Variants in DOCK1 observed in about 807,000 individuals in gnomAD.
DOCK1 encodes the protein dedicator of cytokinesis protein 1.
A neutral mutation model predicts 262.7 loss-of-function variants in DOCK1; 138 were observed. The observed-to-expected ratio is 0.53, with a 90% CI of 0.46 to 0.61. The LOEUF (loss-of-function observed/expected upper bound fraction) is 0.61. DOCK1 is among the 20% of genes least tolerant of loss of function. DOCK1 has a pLI of 0.00. For missense variants in DOCK1, 1,908 were observed against 2,370.7 expected (o/e 0.80, Z 4.05); for synonymous variants, 866 against 867.4 (o/e 1.00, Z 0.03).
intron 49 of DOCK1, among the ~76,000 whole-genome samples, chr10:127,440,703 C>T (rs953062836): frequency 2.0e-5 from 3 of 152,340 alleles, no homozygotes; most frequent in South Asian, 2.1e-4. Context: ...GGCAAACGCC[C>T]CAGCCATGAC....
At chr10:126,917,986 G>C (rs1328692545) in intron 1 of DOCK1, among the ~76,000 whole-genome samples, 1 of 152,208 alleles carries the variant, frequency 6.6e-6, no homozygotes, top group Non-Finnish European at 1.5e-5. Flanking sequence ...TAGGAGCTTG[G>C]GCCTGCATCT....
chr10:126,945,856 A>G (rs982045018), intron 1 of DOCK1, among the ~76,000 whole-genome samples: 1 of 152,194 alleles, frequency 6.6e-6, no homozygotes, highest in Non-Finnish European at 1.5e-5. Context: ...GGCCAAGAGC[A>G]GGGGGTTTTG....
chr10:127,296,513 C>T (rs2061509647), intron 29 of DOCK1, among the ~76,000 whole-genome samples: 1 of 152,210 alleles, frequency 6.6e-6, no homozygotes, highest in Admixed American at 6.5e-5. Flanking sequence ...AAGAAACCTG[C>T]CGTGTGGAGT....
intron 10 of DOCK1, among the ~76,000 whole-genome samples, chr10:127,005,507 A>G (rs1208031153): frequency 6.6e-6 from 1 of 152,196 alleles, no homozygotes; most frequent in Non-Finnish European, 1.5e-5. Flanking sequence ...CAGTTCCTTA[A>G]AATGAGAAAG....
chr10:126,968,229 C>T (rs995278167), intron 1 of DOCK1, among the ~76,000 whole-genome samples: 1 of 152,116 alleles, frequency 6.6e-6, no homozygotes, highest in Non-Finnish European at 1.5e-5. Flanking sequence ...TCCTTCCGCT[C>T]CTCTCTCCTA....
intron 5 of DOCK1, among the ~76,000 whole-genome samples, 171 bp downstream of exon 5, chr10:126,987,788 CT>C (rs1367681411): frequency 6.6e-6 from 1 of 152,150 alleles, no homozygotes; most frequent in Non-Finnish European, 1.5e-5. Context: ...AGTTTAGCCC[CT>C]GCTGGGGGCT....
chr10:127,349,066 T>G (rs769256549), intron 31 of DOCK1, among the ~76,000 whole-genome samples: 11 of 152,100 alleles, frequency 7.2e-5, no homozygotes, highest in Admixed American at 1.3e-4. Context: ...ACCGGTGGTG[T>G]TGTTTTTGAT....
chr10:127,358,579 G>A (rs1327829487), intron 32 of DOCK1, among the ~76,000 whole-genome samples: 1 of 152,184 alleles, frequency 6.6e-6, no homozygotes, highest in Non-Finnish European at 1.5e-5. Flanking sequence ...CAGCCAGAAC[G>A]AATGTGCTTG....
chr10:127,200,644 T>G (rs548510734), intron 27 of DOCK1, among the ~76,000 whole-genome samples: 29 of 152,290 alleles, frequency 1.9e-4, no homozygotes, highest in African/African-American at 6.3e-4. Flanking sequence ...GCTCAGGCAA[T>G]CCACCCATCT....
At chr10:127,377,888 T>A (rs2065596386) in intron 35 of DOCK1, among the ~76,000 whole-genome samples, 1 of 98,756 alleles carries the variant, frequency 1.0e-5, no homozygotes, top group African/African-American at 4.1e-5. Flanking sequence ...GTAGACTCTG[T>A]CTCAAAAAAA....
intron 19 of DOCK1, among the ~76,000 whole-genome samples, chr10:127,038,801 G>A (rs1325025281): frequency 2.0e-5 from 3 of 152,210 alleles, no homozygotes; most frequent in Non-Finnish European, 4.4e-5. Context: ...TTGTGGTTCT[G>A]ATGTTTTCTG....
chr10:127,045,404 A>G (rs2044282361), intron 21 of DOCK1, among the ~76,000 whole-genome samples: 1 of 152,140 alleles, frequency 6.6e-6, no homozygotes, highest in African/African-American at 2.4e-5. Flanking sequence ...AGCTCTGACC[A>G]CATCATGGAA....
At chr10:127,030,430 G>T (rs1342556471) in intron 16 of DOCK1, among the ~76,000 whole-genome samples, 2 of 152,142 alleles carry the variant, frequency 1.3e-5, no homozygotes, top group Non-Finnish European at 2.9e-5. Flanking sequence ...TGCCACACTG[G>T]TCCTCGTGAG....
In DOCK1 at chr10:127,243,694, G is replaced by A. The variant is rs902202160; in HGVS notation, c.2848-4314G>A. 4.6e-5 allele frequency among the ~76,000 whole-genome samples: 7 copies of A among 152,150 alleles called. No homozygotes were observed. In the East Asian group the frequency reaches 1.2e-3, roughly 25 times the overall value. On this transcript the variant is annotated intron_variant, in intron 27 of 51. Coordinates refer to ENST00000623213, the MANE Select transcript of DOCK1 (RefSeq NM_001290223.2). The stretch of plus-strand genomic sequence containing the variant: ...GGGCTCCCTCCAGGAGCAGTGCCAG[G>A]CAGTAGCCAAGGCCACACCAACAGG...
rs1311844918 is a variant in DOCK1 at position 126,995,312 on chromosome 10, C to T, written c.474-1436C>T. ...GGTGGCTGGGAGGTGGAGGTTGTAG[C>T]GAGCCGAGATCATGCCACTGCACTC... is the stretch of plus-strand genomic sequence containing the variant. On this transcript the variant is annotated intron_variant, in intron 6 of 51. Transcript: ENST00000623213. This position sits in a 1 kb window ranked among gnomAD's most constrained non-coding sequence, Gnocchi z 5.8. Among the ~76,000 whole-genome samples the T allele has an allele frequency of 3.3e-5, 5 of 152,220 alleles. No individual in the cohort carries two copies. The highest frequency in any genetic ancestry group is 1.9e-4 in the East Asian group (1 of 5,164).
intron 31 of DOCK1, among the ~76,000 whole-genome samples, chr10:127,351,200 T>C (rs1006217): frequency 0.12 from 18,677 of 152,190 alleles, 1,486 homozygotes; most frequent in South Asian, 0.3. Context: ...CCCTGGACGA[T>C]AGGAAGTGTG....
chr10:126,948,827 A>T (rs2035880198), intron 1 of DOCK1, among the ~76,000 whole-genome samples: 1 of 152,002 alleles, frequency 6.6e-6, no homozygotes, highest in Admixed American at 6.5e-5. Context: ...CTCAAAGGGA[A>T]CCTTGCCCCC....
chr10:127,134,310 A>G (rs920492293), intron 27 of DOCK1, among the ~76,000 whole-genome samples: 1 of 152,158 alleles, frequency 6.6e-6, no homozygotes, highest in South Asian at 2.1e-4. Flanking sequence ...AGGCTGGGCC[A>G]TGACTGTGAC....
chr10:127,100,566 G>C lies in DOCK1; in HGVS notation c.2446-5665G>C, dbSNP rs1469050529. Among the ~76,000 whole-genome samples, 1 of 152,110 alleles carries C rather than the reference G, an allele frequency of 6.6e-6. No individual in the cohort carries two copies. The highest frequency in any genetic ancestry group is 1.5e-5 in the Non-Finnish European group (1 of 68,014). ...GAAGGGGAGCCCTGGAGATGGATCA[G>C]AATTGGGAGTCATTGGCATGGCAGG... On this transcript the variant is annotated intron_variant, in intron 23 of 51. Coordinates refer to ENST00000623213, the MANE Select transcript of DOCK1 (RefSeq NM_001290223.2). The surrounding 1 kb of genome is among the most constrained non-coding windows in gnomAD (Gnocchi z 5.5).
Sources: gnomAD v4.1 joint callset for allele counts (sites outside exome capture counted in the v4.1 genomes callset) on GRCh38, gnomAD v4.1.1 for gene constraint, Gnocchi (gnomAD v3.1) non-coding constraint, MANE v1.5 for transcripts, NCBI Gene and HGNC (gene_info 2026-07-23, HGNC 2026-07-21) for gene names.